CHD1L: variants seen among roughly 807,000 people sequenced by gnomAD.
CHD1L encodes ATP-dependent chromatin remodeler CHD1L.
In CHD1L, 118 loss-of-function variants were observed where a neutral mutation model predicts 115.9. That is an observed-to-expected ratio of 1.02 (90% confidence interval 0.88 to 1.19). The LOEUF (loss-of-function observed/expected upper bound fraction) is 1.19, where lower values mean the gene tolerates loss of function less well. Ranked by LOEUF, CHD1L falls within the 50% of genes most tolerant of loss-of-function variation. The pLI is 0.00. For missense variants in CHD1L, 1,179 were observed against 1,065.3 expected, an observed-to-expected ratio of 1.11 and a Z score of -1.49; for synonymous variants, 411 against 387.1, an observed-to-expected ratio of 1.06 and a Z score of -0.72.
At chr1:147,227,678 G>C in the CHD1L span, among the ~76,000 whole-genome samples, 1 of 152,164 alleles carries the variant, frequency 6.6e-6, no homozygotes, top group African/African-American at 2.4e-5. Flanking sequence ...GCAATATTAT[G>C]AGTGAGAAAT....
intron 15 of CHD1L, among the ~76,000 whole-genome samples, chr1:147,282,149 C>T (rs587646887): frequency 6.6e-6 from 1 of 152,312 alleles, no homozygotes; most frequent in East Asian, 1.9e-4. Flanking sequence ...CTGAGGGCAG[C>T]TCTGGCATGG....
At chr1:147,252,568 C>T in intron 1 of CHD1L, 55 bp from the exon 2 acceptor site, 13 of 1,339,626 alleles carry the variant, frequency 9.7e-6, no homozygotes, top group Non-Finnish European at 1.4e-5. Flanking sequence ...AGAACATTGC[C>T]TCTGCATGTA....
intron 2 of CHD1L, among the ~76,000 whole-genome samples, chr1:147,253,252 A>G (rs1210010483): frequency 6.6e-6 from 1 of 152,110 alleles, no homozygotes; most frequent in African/African-American, 2.4e-5. Flanking sequence ...TAGTAACTCC[A>G]CACTTGTTTT....
At chr1:147,204,405 T>G in the CHD1L span, 11 of 1,129,160 alleles carry the variant, frequency 9.7e-6, no homozygotes, top group Non-Finnish European at 9.5e-6. Context: ...CCAGAAATAC[T>G]TCATTACCAT....
At chr1:147,203,764 C>T in the CHD1L span, 4 of 1,533,052 alleles carry the variant, frequency 2.6e-6, no homozygotes, top group Admixed American at 6.7e-5. Flanking sequence ...CATCTACTGC[C>T]CTTTCTATGT....
chr1:147,256,690 T>G, intron 5 of CHD1L, 128 bp downstream of exon 5: 1 of 833,702 alleles, frequency 1.2e-6, no homozygotes, highest in Admixed American at 2.3e-5. Flanking sequence ...TGTTTATGGG[T>G]AGGCGGCATG....
chr1:147,213,145 CAGTAATACA>C, the CHD1L span, among the ~76,000 whole-genome samples: 2 of 152,248 alleles, frequency 1.3e-5, no homozygotes, highest in South Asian at 4.2e-4. Flanking sequence ...ACAAAAATGG[CAGTAATACA>C]AGTTACCCCA....
the CHD1L span, among the ~76,000 whole-genome samples, chr1:147,209,239 G>GAAACCCCGTCTCTACTGAA: frequency 1.1e-4 from 17 of 152,016 alleles, no homozygotes; most frequent in Admixed American, 9.8e-4. Flanking sequence ...CTAACACAGT[G>GAAACCCCGTCTCTACTGAA]AAACCCCGTC....
chr1:147,177,881 T>C, the CHD1L span, among the ~76,000 whole-genome samples: 1 of 151,280 alleles, frequency 6.6e-6, no homozygotes, highest in African/African-American at 2.4e-5. Flanking sequence ...ATGAAACTTC[T>C]TTTTTTTTAA....
At chr1:147,200,589 TC>T in the CHD1L span, among the ~76,000 whole-genome samples, 2 of 20,766 alleles carry the variant, frequency 9.6e-5, no homozygotes, top group African/African-American at 3.0e-4. Flanking sequence ...TGAAACCTAT[TC>T]CCCTTTTTTT....
At chr1:147,271,479 C>G (rs1676203124) in intron 11 of CHD1L, among the ~76,000 whole-genome samples, 2 of 152,168 alleles carry the variant, frequency 1.3e-5, no homozygotes, top group African/African-American at 4.8e-5. Context: ...CCTGGGAAGT[C>G]TGTTTAATAT....
At chr1:147,192,032 T>C in the CHD1L span, among the ~76,000 whole-genome samples, 180 of 152,290 alleles carry the variant, frequency 1.2e-3, no homozygotes, top group African/African-American at 4.0e-3. Context: ...AAATAGTTTT[T>C]TCCAATTCTG....
At chr1:147,201,051 T>G in the CHD1L span, 1 of 829,556 alleles carries the variant, frequency 1.2e-6, no homozygotes, top group African/African-American at 1.7e-5. Flanking sequence ...TAGGCACTGT[T>G]GTAATCATAC....
the CHD1L span, among the ~76,000 whole-genome samples, chr1:147,183,500 T>G: frequency 1.3e-5 from 2 of 152,216 alleles, no homozygotes; most frequent in African/African-American, 4.8e-5. Context: ...AGGAGTTTAC[T>G]AGTTCAAGGA....
chr1:147,181,193 T>C, the CHD1L span, among the ~76,000 whole-genome samples: 3 of 152,370 alleles, frequency 2.0e-5, no homozygotes, highest in East Asian at 5.8e-4. Context: ...AACTCCATGC[T>C]TGTGACTGCT....
rs587763450 is a variant in CHD1L, at chr1:147,271,753, T to G, written c.1160-418T>G. ...ATGCATGGAGGCAGGTGGCGAACTC[T>G]AAAGCCTCACTGAAAGGCAGATTGC... is the stretch of plus-strand genomic sequence containing the variant. On this transcript the variant is annotated intron_variant, in intron 11 of 22. Transcript: ENST00000369258. Among the ~76,000 whole-genome samples the G allele has an allele frequency of 2.6e-5, 4 of 152,276 alleles. No homozygotes were observed. In the East Asian group the frequency reaches 7.7e-4, roughly 29 times the overall value.
intron 14 of CHD1L, among the ~76,000 whole-genome samples, chr1:147,278,222 GTTTTTTTTTTTT>G (rs71083825): frequency 1.1e-5 from 1 of 91,130 alleles, no homozygotes; most frequent in African/African-American, 4.5e-5. Flanking sequence ...TGTTTTTTGG[GTTTTTTTTTTTT>G]TTTTTTTTTG....
the CHD1L span, among the ~76,000 whole-genome samples, chr1:147,234,402 A>C: frequency 6.6e-6 from 1 of 152,180 alleles, no homozygotes; most frequent in African/African-American, 2.4e-5. Context: ...TGTTACCCAG[A>C]GAGGAGGAAG....
the CHD1L span, among the ~76,000 whole-genome samples, chr1:147,235,488 CTAAT>C: frequency 6.6e-6 from 1 of 152,158 alleles, no homozygotes; most frequent in African/African-American, 2.4e-5. Context: ...TTAAAACCCT[CTAAT>C]TAGGAAGCCT....
Sources: gnomAD v4.1 joint callset for allele counts (sites outside exome capture counted in the v4.1 genomes callset) on GRCh38, gnomAD v4.1.1 for gene constraint, MANE v1.5 for transcripts, NCBI Gene and HGNC (gene_info 2026-07-23, HGNC 2026-07-21) for gene names.